FAM227B: variants seen among roughly 807,000 people sequenced by gnomAD.
FAM227B encodes the protein protein FAM227B.
FAM227B carries 88 observed loss-of-function variants against 73.8 expected under a neutral mutation model. That is an observed-to-expected ratio of 1.19 (90% CI 1.00 to 1.42). The LOEUF is 1.42. Ranked by LOEUF, FAM227B falls within the 40% of genes most tolerant of loss-of-function variation. FAM227B has a pLI of 0.00. For synonymous variants in FAM227B, 210 were observed against 190.5 expected, an observed-to-expected ratio of 1.10 and a Z score of -0.84; for missense variants, 632 against 590.9, an observed-to-expected ratio of 1.07 and a Z score of -0.72.
chr15:49,457,157 T>G (rs184131103), intron 11 of FAM227B, among the ~76,000 whole-genome samples: 2 of 152,230 alleles, frequency 1.3e-5, no homozygotes, highest in East Asian at 3.9e-4. Context: ...ACTAAAACTT[T>G]TAACAGTGTT....
chr15:49,547,429 A>G (rs1012148566), intron 9 of FAM227B, among the ~76,000 whole-genome samples: 2 of 152,018 alleles, frequency 1.3e-5, no homozygotes, highest in Non-Finnish European at 2.9e-5. Flanking sequence ...AGATATAACA[A>G]TATTAACTTT....
intron 11 of FAM227B, among the ~76,000 whole-genome samples, chr15:49,441,481 C>G (rs943457029): frequency 6.6e-6 from 1 of 151,676 alleles, no homozygotes; most frequent in Non-Finnish European, 1.5e-5. Context: ...ACAGTTCCAA[C>G]AGGAGCTCCA....
intron 5 of FAM227B, among the ~76,000 whole-genome samples, chr15:49,582,681 T>G (rs1267413918): frequency 2.6e-5 from 4 of 152,112 alleles, no homozygotes; most frequent in Non-Finnish European, 5.9e-5. Context: ...AATACACATT[T>G]TCATTGCCCA....
intron 11 of FAM227B, among the ~76,000 whole-genome samples, chr15:49,391,685 A>G (rs925648157): frequency 1.3e-5 from 2 of 152,120 alleles, no homozygotes; most frequent in African/African-American, 4.8e-5. Flanking sequence ...TTGCAAATCA[A>G]AGAATCTCTG....
At chr15:49,607,005 T>C (rs139606015) in intron 3 of FAM227B, among the ~76,000 whole-genome samples, 126 of 152,324 alleles carry the variant, frequency 8.3e-4, no homozygotes, top group African/African-American at 2.8e-3. Context: ...TTGTGTAGGA[T>C]GAAACTCTGC....
chr15:49,393,433 T>C (rs779419403), intron 11 of FAM227B, among the ~76,000 whole-genome samples: 3 of 152,182 alleles, frequency 2.0e-5, no homozygotes, highest in Non-Finnish European at 4.4e-5. Context: ...GTCAGACTTC[T>C]GCACTGAACA....
intron 11 of FAM227B, among the ~76,000 whole-genome samples, chr15:49,440,910 G>T (rs984592193): frequency 1.3e-5 from 2 of 151,738 alleles, no homozygotes; most frequent in Non-Finnish European, 3.0e-5. Flanking sequence ...CTATCAAGAT[G>T]ATACTGGTTA....
chr15:49,404,614 G>A (rs2048391985), intron 11 of FAM227B, among the ~76,000 whole-genome samples: 1 of 151,320 alleles, frequency 6.6e-6, no homozygotes, highest in Non-Finnish European at 1.5e-5. Flanking sequence ...CATTTTCCTG[G>A]TAGTTTTTTC....
intron 5 of FAM227B, among the ~76,000 whole-genome samples, chr15:49,581,382 C>T (rs1485851976): frequency 2.6e-5 from 4 of 151,380 alleles, no homozygotes; most frequent in African/African-American, 4.9e-5. Flanking sequence ...GGCTGGAGTG[C>T]AGTGGCACAA....
Position 49,385,080 on chromosome 15 carries a change from A to G in FAM227B, c.1013-13681T>C, listed in dbSNP as rs192784709. ...TGAGTCTTCTCTGAAGGTATCTCCT[A>G]AGACAATGTCACTCAAGGGTTTTGG... On this transcript the variant is annotated intron_variant, in intron 11 of 15. Coordinates refer to ENST00000299338, the MANE Select transcript of FAM227B (RefSeq NM_152647.3). Among the ~76,000 whole-genome samples the G allele has an allele frequency of 3.9e-5, 6 of 152,110 alleles. No individual in the cohort carries two copies. The East Asian group carries it at 9.7e-4, about 24-fold the overall frequency.
At chr15:49,569,111 A>G (rs1395142645) in intron 8 of FAM227B, among the ~76,000 whole-genome samples, 1 of 151,908 alleles carries the variant, frequency 6.6e-6, no homozygotes, top group Non-Finnish European at 1.5e-5. Flanking sequence ...GTTAGATTGT[A>G]TGTTTCTAAG....
At chr15:49,390,747 G>GA (rs1331309952) in intron 11 of FAM227B, among the ~76,000 whole-genome samples, 5 of 151,780 alleles carry the variant, frequency 3.3e-5, no homozygotes, top group Admixed American at 3.3e-4. Flanking sequence ...AACCTTATGT[G>GA]AAAAAATGGG....
intron 4 of FAM227B, 40 bp downstream of exon 4, chr15:49,589,736 G>A: frequency 8.1e-7 from 1 of 1,236,304 alleles, no homozygotes; most frequent in African/African-American, 1.5e-5. Context: ...AACATAGTGA[G>A]ACTCCATTTC....
In FAM227B at chr15:49,538,174, G is replaced by A. The variant is rs186847253; in HGVS notation, c.874+3506C>T. Among the ~76,000 whole-genome samples the A allele has an allele frequency of 4.5e-3, 684 of 152,228 alleles. 10 individuals carry two copies. The highest frequency in any genetic ancestry group is 0.016 in the African/African-American group (648 of 41,514). On this transcript the variant is annotated intron_variant, in intron 10 of 15. Coordinates refer to ENST00000299338, the MANE Select transcript of FAM227B (RefSeq NM_152647.3). ...AAGCCAGGAGAGAGTTTGATTATGCGGTTGACACTTGAAGAATATAAATTG... is the reference window on the plus strand; with the variant it reads ...AAGCCAGGAGAGAGTTTGATTATGCAGTTGACACTTGAAGAATATAAATTG...
At chr15:49,353,032 T>A (rs1434966608) in intron 13 of FAM227B, among the ~76,000 whole-genome samples, 1 of 152,218 alleles carries the variant, frequency 6.6e-6, no homozygotes, top group Non-Finnish European at 1.5e-5. Flanking sequence ...CTAAGCATTC[T>A]TTCTCTTAGT....
rs542776482 is a variant in FAM227B, at chr15:49,487,216, TTTTG to T, written c.1012+20991_1012+20994del. 544 of 151,938 alleles carry T rather than the reference TTTTG, an allele frequency of 3.6e-3. 2 individuals are homozygous for T. The highest frequency in any genetic ancestry group is 5.9e-3 in the Non-Finnish European group (403 of 67,824). 9.4% of individuals were successfully genotyped at this position (151,938 alleles called of 1,614,324 possible). A position where few individuals can be genotyped will look rare whatever the true frequency, so the allele number is the denominator to read the frequency against. On this transcript the variant is annotated intron_variant, in intron 11 of 15. Coordinates refer to ENST00000299338, the MANE Select transcript of FAM227B (RefSeq NM_152647.3). The stretch of plus-strand genomic sequence containing the variant: ...TTTTCAATTCTGATTCCTATTCACC[TTTTG>T]TTTATGAATGGAAAGCTTTGTGCAA...
At chr15:49,344,444 G>A (rs1374280765) in intron 13 of FAM227B, among the ~76,000 whole-genome samples, 1 of 152,146 alleles carries the variant, frequency 6.6e-6, no homozygotes, top group African/African-American at 2.4e-5. Context: ...TGGTAATATA[G>A]CATGGTACTA....
At chr15:49,420,559 C>G (rs1172322773) in intron 11 of FAM227B, among the ~76,000 whole-genome samples, 1 of 151,850 alleles carries the variant, frequency 6.6e-6, no homozygotes, top group African/African-American at 2.4e-5. Context: ...ACACAAGAAA[C>G]TAATAAAAAG....
intron 11 of FAM227B, among the ~76,000 whole-genome samples, chr15:49,463,455 G>A (rs1205048518): frequency 2.0e-5 from 3 of 151,512 alleles, no homozygotes; most frequent in African/African-American, 2.4e-5. Context: ...TTGGGAGGCC[G>A]CAGGAGAATC....
Sources: allele counts gnomAD v4.1 joint callset (sites outside exome capture counted in the v4.1 genomes callset), GRCh38; gene constraint gnomAD v4.1.1; transcripts MANE v1.5; gene names NCBI Gene and HGNC (gene_info 2026-07-23, HGNC 2026-07-21).